Variants in AFG1L observed in about 807,000 individuals in gnomAD.
AFG1L encodes the protein AFG1 like ATPase.
In AFG1L, 53 loss-of-function variants were observed where a neutral mutation model predicts 62.2. The observed-to-expected ratio is 0.85, with a 90% confidence interval of 0.68 to 1.07. The LOEUF (loss-of-function observed/expected upper bound fraction) is 1.07. AFG1L is among the 50% of genes least tolerant of loss of function. The pLI is 0.00. For missense variants in AFG1L, 555 were observed against 590.5 expected (o/e 0.94, Z 0.62); for synonymous variants, 228 against 210.3 (o/e 1.08, Z -0.73).
chr6:108,367,909 T>C (rs1223611794), intron 6 of AFG1L, among the ~76,000 whole-genome samples: 1 of 152,174 alleles, frequency 6.6e-6, no homozygotes, highest in Non-Finnish European at 1.5e-5. Flanking sequence ...AACATGGAAT[T>C]CATTAGTGAG....
rs948261749 is a variant in AFG1L, at chr6:108,498,168, A to G, written c.1063-12044A>G. On this transcript the variant is annotated intron_variant, in intron 10 of 12. Coordinates refer to ENST00000368977, the MANE Select transcript of AFG1L (RefSeq NM_145315.5). ...AGCATGCAAAGCCTCTTGAGACCTA[A>G]GTTCAGAACTTGAAAACTGTGACTT... Among the ~76,000 whole-genome samples the G allele has an allele frequency of 5.9e-5, 9 of 152,338 alleles. No individual in the cohort carries two copies. In the South Asian group the frequency reaches 1.9e-3, roughly 32 times the overall value.
At chr6:108,500,211 T>TAC (rs1774139700) in intron 10 of AFG1L, among the ~76,000 whole-genome samples, 2 of 150,336 alleles carry the variant, frequency 1.3e-5, no homozygotes, top group South Asian at 4.2e-4. Context: ...TGTGTGTGTG[T>TAC]ACATATACGT....
intron 7 of AFG1L, among the ~76,000 whole-genome samples, chr6:108,436,977 G>A (rs777753586): frequency 5.9e-5 from 9 of 152,094 alleles, no homozygotes; most frequent in Admixed American, 2.0e-4. Context: ...ATTTGGTATC[G>A]GGTGAGGGCT....
At chr6:108,435,195 G>A (rs1438288128) in intron 7 of AFG1L, among the ~76,000 whole-genome samples, 2 of 152,174 alleles carry the variant, frequency 1.3e-5, no homozygotes, top group Non-Finnish European at 2.9e-5. Context: ...CACACATAAC[G>A]ATTATAAACC....
chr6:108,332,177 TA>T (rs2114348361), intron 2 of AFG1L, among the ~76,000 whole-genome samples: 1 of 152,344 alleles, frequency 6.6e-6, no homozygotes, highest in South Asian at 2.1e-4. Context: ...CCCATGGCCA[TA>T]ATTTGCTGGC....
At chr6:108,385,170 C>T (rs757703528) in intron 6 of AFG1L, among the ~76,000 whole-genome samples, 4 of 152,162 alleles carry the variant, frequency 2.6e-5, no homozygotes, top group Non-Finnish European at 5.9e-5. Flanking sequence ...CCAGAGAAAA[C>T]GTGACACATT....
chr6:108,454,561 G>A (rs1432804432), intron 8 of AFG1L, among the ~76,000 whole-genome samples: 5 of 152,136 alleles, frequency 3.3e-5, no homozygotes, highest in African/African-American at 9.7e-5. Flanking sequence ...CAAACCCTAA[G>A]CCATGACTGA....
intron 10 of AFG1L, among the ~76,000 whole-genome samples, chr6:108,501,550 A>G (rs1774202924): frequency 6.6e-6 from 1 of 152,232 alleles, no homozygotes; most frequent in African/African-American, 2.4e-5. Context: ...CAGGCTGACA[A>G]GGAAATGTAG....
intron 7 of AFG1L, among the ~76,000 whole-genome samples, chr6:108,430,510 A>C (rs963138413): frequency 6.6e-6 from 1 of 152,170 alleles, no homozygotes; most frequent in Non-Finnish European, 1.5e-5. Flanking sequence ...ATAGTCTGCA[A>C]ACCTGATTTC....
chr6:108,423,093 A>G (rs1264722009), intron 7 of AFG1L, among the ~76,000 whole-genome samples: 1 of 152,098 alleles, frequency 6.6e-6, no homozygotes, highest in Non-Finnish European at 1.5e-5. Flanking sequence ...AAGCTAAGAA[A>G]TATGCAGATT....
chr6:108,518,942 T>A (rs573536902), intron 11 of AFG1L, among the ~76,000 whole-genome samples: 1 of 152,308 alleles, frequency 6.6e-6, no homozygotes, highest in East Asian at 1.9e-4. Flanking sequence ...GCGTCTTAGG[T>A]GCACAGACCA....
chr6:108,310,954 C>A (rs1368217720), intron 1 of AFG1L, among the ~76,000 whole-genome samples: 1 of 152,010 alleles, frequency 6.6e-6, no homozygotes, highest in Non-Finnish European at 1.5e-5. Flanking sequence ...TATTTTCCAA[C>A]TGGTTATCTA....
chr6:108,493,506 C>T (rs901977447), intron 10 of AFG1L, among the ~76,000 whole-genome samples: 2 of 152,164 alleles, frequency 1.3e-5, no homozygotes, highest in Non-Finnish European at 2.9e-5. Context: ...GAGGGTCTTT[C>T]TGAGTGGGGG....
At chr6:108,394,410 A>G (rs1781202190) in intron 6 of AFG1L, among the ~76,000 whole-genome samples, 1 of 151,914 alleles carries the variant, frequency 6.6e-6, no homozygotes, top group African/African-American at 2.4e-5. Context: ...TGGCCTCCCA[A>G]AGGGATGGAA....
intron 11 of AFG1L, among the ~76,000 whole-genome samples, chr6:108,517,352 A>G (rs1470569380): frequency 6.6e-6 from 1 of 152,210 alleles, no homozygotes; most frequent in Non-Finnish European, 1.5e-5. Flanking sequence ...AATGCCACAT[A>G]TCTACAACTA....
intron 10 of AFG1L, among the ~76,000 whole-genome samples, chr6:108,485,656 ATTTTTTTT>A (rs397842829): frequency 2.0e-4 from 5 of 25,030 alleles, no homozygotes; most frequent in Admixed American, 8.5e-4. Flanking sequence ...ATATATATAT[ATTTTTTTT>A]TTTTTTTTTT....
chr6:108,479,592 G>C (rs1371492686), intron 10 of AFG1L, among the ~76,000 whole-genome samples: 1 of 152,162 alleles, frequency 6.6e-6, no homozygotes, highest in Non-Finnish European at 1.5e-5. Flanking sequence ...ATTTTGCATT[G>C]CTTTGCAACC....
At chr6:108,476,991 T>C in intron 9 of AFG1L, 56 bp downstream of exon 9, 1 of 1,436,366 alleles carries the variant, frequency 7.0e-7, no homozygotes, top group Middle Eastern at 1.8e-4. Context: ...ATGCCCAATC[T>C]CCACTGACCA....
chr6:108,405,857 C>T (rs904336652), intron 7 of AFG1L, among the ~76,000 whole-genome samples: 2 of 152,332 alleles, frequency 1.3e-5, no homozygotes, highest in East Asian at 3.9e-4. Flanking sequence ...TTTCTAGATA[C>T]TTCATGTAAG....
Sources: gnomAD v4.1 joint callset for allele counts (sites outside exome capture counted in the v4.1 genomes callset) on GRCh38, gnomAD v4.1.1 for gene constraint, MANE v1.5 for transcripts, NCBI Gene and HGNC (gene_info 2026-07-23, HGNC 2026-07-21) for gene names.